Variants in CENPP observed in about 807,000 individuals in gnomAD.
The protein encoded by CENPP is centromere protein P.
Under a neutral mutation model 35.6 loss-of-function variants are expected in CENPP, and 24 were observed. The observed-to-expected ratio is 0.67, with a 90% CI of 0.49 to 0.95. The LOEUF (loss-of-function observed/expected upper bound fraction) is 0.95. Ranked by LOEUF, CENPP falls within the 40% of genes least tolerant of loss-of-function variation. The probability of loss-of-function intolerance (pLI) is 0.00; values close to 1 mark genes in which losing one functional copy is unlikely to be tolerated. For missense variants in CENPP, 332 were observed against 345.3 expected, an observed-to-expected ratio of 0.96 and a Z score of 0.31; for synonymous variants, 120 against 125.5, an observed-to-expected ratio of 0.96 and a Z score of 0.29.
intron 5 of CENPP, among the ~76,000 whole-genome samples, chr9:92,508,359 C>T (rs1394130188): frequency 2.6e-5 from 4 of 152,194 alleles, no homozygotes; most frequent in Admixed American, 6.5e-5. Flanking sequence ...GCAGACAGCC[C>T]GTTCACCCTG....
chr9:92,365,598 A>G (rs909471802), intron 4 of CENPP, among the ~76,000 whole-genome samples: 4 of 151,418 alleles, frequency 2.6e-5, no homozygotes, highest in Non-Finnish European at 5.9e-5. Flanking sequence ...CTTAGTAGAG[A>G]TGGGGTTTCA....
At chr9:92,433,905 C>T (rs892396230) in intron 5 of CENPP, among the ~76,000 whole-genome samples, 10 of 151,816 alleles carry the variant, frequency 6.6e-5, no homozygotes, top group Non-Finnish European at 1.3e-4. Flanking sequence ...TGCACTCCAG[C>T]CTGGGTGACA....
chr9:92,535,596 CTTCA>C (rs1401986429), intron 5 of CENPP, among the ~76,000 whole-genome samples: 2 of 152,022 alleles, frequency 1.3e-5, no homozygotes, highest in South Asian at 2.1e-4. Flanking sequence ...TCTATTTTCA[CTTCA>C]TTCAACAGAT....
intron 5 of CENPP, chr9:92,522,983 C>T: frequency 8.0e-7 from 1 of 1,251,374 alleles, no homozygotes; most frequent in Non-Finnish European, 1.1e-6. Context: ...CCTCAGTAGG[C>T]AAGTCTTTGA....
chr9:92,602,342 CGTT>C (rs1396319379), intron 5 of CENPP, among the ~76,000 whole-genome samples: 2 of 152,200 alleles, frequency 1.3e-5, no homozygotes, highest in Non-Finnish European at 2.9e-5. Flanking sequence ...CCCTCACTGT[CGTT>C]GGTGTTGCCA....
At chr9:92,516,600 C>T (rs1395015805) in intron 5 of CENPP, 1 of 152,172 alleles carries the variant, frequency 6.6e-6, no homozygotes, top group Non-Finnish European at 1.5e-5. Context: ...CTAAAGCTAT[C>T]ATATTGAAAC....
At chr9:92,417,860 G>T (rs772688948) in intron 5 of CENPP, among the ~76,000 whole-genome samples, 7 of 151,878 alleles carry the variant, frequency 4.6e-5, no homozygotes, top group Admixed American at 2.0e-4. Flanking sequence ...CCAAGTAGCT[G>T]GGACTACAGG....
chr9:92,577,741 G>T (rs557465101), intron 5 of CENPP, among the ~76,000 whole-genome samples: 1 of 152,186 alleles, frequency 6.6e-6, no homozygotes, highest in East Asian at 1.9e-4. Flanking sequence ...ATTGAGCCCA[G>T]GAGTTCAAGT....
intron 5 of CENPP, among the ~76,000 whole-genome samples, chr9:92,586,652 C>T (rs1326105411): frequency 2.0e-5 from 3 of 152,112 alleles, no homozygotes; most frequent in Non-Finnish European, 4.4e-5. Context: ...AAGGGAGTGC[C>T]CCTCTCAGAG....
intron 5 of CENPP, among the ~76,000 whole-genome samples, chr9:92,574,251 A>G (rs1465798687): frequency 2.6e-5 from 4 of 152,126 alleles, no homozygotes; most frequent in East Asian, 1.9e-4. Context: ...TGATGTAACT[A>G]TAGGCTGTCT....
intron 4 of CENPP, among the ~76,000 whole-genome samples, chr9:92,375,533 A>G (rs1457539415): frequency 6.6e-6 from 1 of 151,510 alleles, no homozygotes; most frequent in Non-Finnish European, 1.5e-5. Flanking sequence ...CCTGACCTTG[A>G]GATCCGCCCA....
At chr9:92,385,496 T>C (rs554926077) in intron 5 of CENPP, 11 of 828,050 alleles carry the variant, frequency 1.3e-5, no homozygotes, top group Middle Eastern at 3.3e-4. Flanking sequence ...TTGCTTAAAA[T>C]ATTAAATTCC....
Position 92,562,193 on chromosome 9 carries a change from C to CT in CENPP, c.565-49113dup, listed in dbSNP as rs1383748744. ...CATTTCCCTTCTGGAACTCAGTTTT[C>CT]TTTTTTTTCTTTTCTTTTTTTTTTT... On this transcript the variant is annotated intron_variant, in intron 5 of 7. Transcript: ENST00000375587. Among the ~76,000 whole-genome samples the CT allele has an allele frequency of 5.0e-5, 7 of 141,330 alleles. No homozygotes were observed. In the South Asian group the frequency reaches 9.2e-4, roughly 19 times the overall value. 92.7% of individuals were successfully genotyped at this position (141,330 alleles called of 152,430 possible).
intron 3 of CENPP, among the ~76,000 whole-genome samples, chr9:92,338,965 C>T (rs1468230184): frequency 6.6e-6 from 1 of 152,176 alleles, no homozygotes; most frequent in African/African-American, 2.4e-5. Context: ...GGCCAGGGTG[C>T]AGCAGAACAG....
chr9:92,602,066 G>T (rs1264598027), intron 5 of CENPP, among the ~76,000 whole-genome samples: 1 of 152,208 alleles, frequency 6.6e-6, no homozygotes, highest in Non-Finnish European at 1.5e-5. Context: ...AACAGCTGAT[G>T]ATGCCAGAGA....
intron 5 of CENPP, among the ~76,000 whole-genome samples, chr9:92,511,193 T>A (rs1482321336): frequency 1.3e-5 from 2 of 152,154 alleles, no homozygotes; most frequent in East Asian, 3.9e-4. Context: ...TGGCGCGATC[T>A]CGGCTCACTG....
chr9:92,406,780 G>A (rs1011314417), intron 5 of CENPP, among the ~76,000 whole-genome samples: 2 of 152,110 alleles, frequency 1.3e-5, no homozygotes, highest in Non-Finnish European at 2.9e-5. Context: ...GCCTCCCTCA[G>A]TTCCTTGCCA....
chr9:92,390,188 A>G (rs2130893328), intron 5 of CENPP: 1 of 587,200 alleles, frequency 1.7e-6, no homozygotes, highest in East Asian at 2.8e-5. Flanking sequence ...TTTACAATTC[A>G]TAGCCCAGTA....
chr9:92,403,524 C>G, intron 5 of CENPP: 1 of 1,426,358 alleles, frequency 7.0e-7, no homozygotes. Flanking sequence ...TATTTAAAAG[C>G]TTAGAGGATG....
Sources: allele counts gnomAD v4.1 joint callset (sites outside exome capture counted in the v4.1 genomes callset), GRCh38; gene constraint gnomAD v4.1.1; transcripts MANE v1.5; gene names NCBI Gene and HGNC (gene_info 2026-07-23, HGNC 2026-07-21).